NXPH1: variants seen among roughly 807,000 people sequenced by gnomAD.
The protein encoded by NXPH1 is neurexophilin 1, also known as neurexophilin-1.
A neutral mutation model predicts 23.7 loss-of-function variants in NXPH1; 5 were observed. That is an observed-to-expected ratio of 0.21 (90% CI 0.11 to 0.44). NXPH1 has a LOEUF of 0.44. NXPH1 is among the 20% of genes least tolerant of loss of function. NXPH1 has a pLI of 0.99. For missense variants in NXPH1, 324 were observed against 321.6 expected, an observed-to-expected ratio of 1.01 and a Z score of -0.06; for synonymous variants, 144 against 122.2, an observed-to-expected ratio of 1.18 and a Z score of -1.18.
At chr7:8,578,083 T>A (rs1818788794) in intron 2 of NXPH1, among the ~76,000 whole-genome samples, 1 of 152,178 alleles carries the variant, frequency 6.6e-6, no homozygotes, top group African/African-American at 2.4e-5. Flanking sequence ...CAATGTTTCT[T>A]ATTGTTTTAA....
intron 2 of NXPH1, among the ~76,000 whole-genome samples, chr7:8,441,956 T>C (rs1304729024): frequency 1.3e-5 from 2 of 151,776 alleles, no homozygotes; most frequent in South Asian, 2.1e-4. Flanking sequence ...GGGAGGGGAT[T>C]CTCTTGCTCC....
At chr7:8,491,720 T>C (rs1288766134) in intron 2 of NXPH1, among the ~76,000 whole-genome samples, 1 of 152,054 alleles carries the variant, frequency 6.6e-6, no homozygotes, top group Admixed American at 6.6e-5. Context: ...ACAGGGATTC[T>C]CACAGTACTT....
At chr7:8,728,775 A>G (rs972192716) in intron 2 of NXPH1, among the ~76,000 whole-genome samples, 6 of 152,242 alleles carry the variant, frequency 3.9e-5, no homozygotes, top group African/African-American at 1.2e-4. Context: ...ATCAATATTC[A>G]TCAAGGATAT....
intron 2 of NXPH1, among the ~76,000 whole-genome samples, chr7:8,579,602 C>A (rs904016772): frequency 6.6e-6 from 1 of 152,280 alleles, no homozygotes; most frequent in African/African-American, 2.4e-5. Context: ...AAACTCCTGA[C>A]CTCAGATGAT....
chr7:8,540,369 A>G (rs1317896552), intron 2 of NXPH1, among the ~76,000 whole-genome samples: 2 of 151,846 alleles, frequency 1.3e-5, no homozygotes, highest in Non-Finnish European at 2.9e-5. Flanking sequence ...AAATGTGTGA[A>G]ACGACAAGTT....
chr7:8,634,865 C>T (rs922088142), intron 2 of NXPH1, among the ~76,000 whole-genome samples: 1 of 152,058 alleles, frequency 6.6e-6, no homozygotes, highest in East Asian at 1.9e-4. Flanking sequence ...ATTGAGAACT[C>T]CAGAATTCAG....
Position 8,435,805 on chromosome 7 carries a change from C to A in NXPH1, c.54+38C>A. 6.2e-7 allele frequency: 1 copy of A among 1,604,246 alleles called. No individual in the cohort carries two copies. The highest frequency in any genetic ancestry group is 8.5e-7 in the Non-Finnish European group (1 of 1,171,252). On this transcript the variant is annotated intron_variant, in intron 2 of 2. Transcript: ENST00000405863. The surrounding 1 kb of genome is among the most constrained non-coding windows in gnomAD (Gnocchi z 5.9). The stretch of plus-strand genomic sequence containing the variant: ...AGGTTCGGGGCTTTCGCATTTTTAC[C>A]CCGGCCGGGAGGCAAGGAAACTGGG...
At chr7:8,510,453 C>A (rs879512300) in intron 2 of NXPH1, among the ~76,000 whole-genome samples, 9 of 151,838 alleles carry the variant, frequency 5.9e-5, no homozygotes, top group Admixed American at 2.0e-4. Context: ...AATTTGCACT[C>A]GAATCTAAGA....
chr7:8,626,951 A>G (rs1260264525), intron 2 of NXPH1, among the ~76,000 whole-genome samples: 1 of 152,042 alleles, frequency 6.6e-6, no homozygotes, highest in Non-Finnish European at 1.5e-5. Context: ...TCCTTTAAGC[A>G]TAAGGACAAA....
chr7:8,686,465 A>G (rs186441752), intron 2 of NXPH1, among the ~76,000 whole-genome samples: 35 of 152,286 alleles, frequency 2.3e-4, no homozygotes, highest in African/African-American at 8.4e-4. Context: ...TTACACTTGG[A>G]TATGACCTTT....
intron 2 of NXPH1, among the ~76,000 whole-genome samples, chr7:8,610,497 T>C (rs1363762351): frequency 1.3e-5 from 2 of 152,136 alleles, no homozygotes; most frequent in African/African-American, 4.8e-5. Flanking sequence ...TGCAGAACTT[T>C]ATTACAGAAA....
chr7:8,518,765 C>T lies in NXPH1; in HGVS notation c.54+82998C>T, dbSNP rs549142963. On this transcript the variant is annotated intron_variant, in intron 2 of 2. Transcript: ENST00000405863. ...CCTCCCAAGTAGCTGGGATTATAGG[C>T]GTGAACCACTGCACCCAAGTAGCTC... Among the ~76,000 whole-genome samples, 87 of 152,260 alleles carry T rather than the reference C, an allele frequency of 5.7e-4. 2 individuals carry two copies. The South Asian group carries it at 0.015, about 26-fold the overall frequency.
intron 2 of NXPH1, among the ~76,000 whole-genome samples, chr7:8,597,756 T>C (rs189485353): frequency 6.6e-6 from 1 of 151,866 alleles, no homozygotes. Context: ...CCTTTCTACT[T>C]GGCAACATGC....
rs534761382 is a variant in NXPH1 at position 8,447,997 on chromosome 7, G to A, written c.54+12230G>A. 2.2e-4 allele frequency among the ~76,000 whole-genome samples: 34 copies of A among 152,304 alleles called. No homozygotes were observed. The South Asian group carries it at 6.4e-3, about 29-fold the overall frequency. ...AACGAGGACCTGGCCATAACAGAGA[G>A]CAAACAGGCCTGTTTTCAGTTATCC... is the stretch of plus-strand genomic sequence containing the variant. On this transcript the variant is annotated intron_variant, in intron 2 of 2. Transcript: ENST00000405863.
intron 2 of NXPH1, among the ~76,000 whole-genome samples, chr7:8,630,415 G>A (rs1322352457): frequency 1.3e-5 from 2 of 152,142 alleles, no homozygotes; most frequent in East Asian, 3.9e-4. Context: ...CTTCCTCATG[G>A]GAGCTCCCAA....
In NXPH1 at chr7:8,435,569, G is replaced by C. The variant is rs6948635; in HGVS notation, c.-110-35G>C. 1 of 711,636 alleles carries C rather than the reference G, an allele frequency of 1.4e-6. No homozygotes were observed. The highest frequency in any genetic ancestry group is 2.7e-5 in the East Asian group (1 of 37,328). 44.1% of individuals were successfully genotyped at this position (711,636 alleles called of 1,614,324 possible). On this transcript the variant is annotated intron_variant, in intron 1 of 2. Transcript: ENST00000405863. This position sits in a 1 kb window ranked among gnomAD's most constrained non-coding sequence, Gnocchi z 5.9. ...GATTGTCAAGCCTAACCTTGCCCGCGTAGTCATGGGATGTCTAATTTTATT... is the reference window on the plus strand; with the variant it reads ...GATTGTCAAGCCTAACCTTGCCCGCCTAGTCATGGGATGTCTAATTTTATT...
intron 2 of NXPH1, among the ~76,000 whole-genome samples, chr7:8,537,950 G>A (rs79741225): frequency 7.4e-4 from 113 of 151,978 alleles, no homozygotes; most frequent in African/African-American, 2.6e-3. Context: ...AAGGCGAGGG[G>A]AATGGAGCCC....
intron 2 of NXPH1, among the ~76,000 whole-genome samples, chr7:8,590,331 T>A (rs933770376): frequency 3.3e-5 from 5 of 152,066 alleles, no homozygotes; most frequent in African/African-American, 1.2e-4. Flanking sequence ...TAATTATGGT[T>A]AGCCAAACCC....
chr7:8,586,199 A>G (rs1005059507), intron 2 of NXPH1, among the ~76,000 whole-genome samples: 5 of 152,154 alleles, frequency 3.3e-5, no homozygotes, highest in African/African-American at 9.7e-5. Flanking sequence ...TGAGGAACCT[A>G]AAATGCTGGA....
Sources: gnomAD v4.1 joint callset for allele counts (sites outside exome capture counted in the v4.1 genomes callset) on GRCh38, gnomAD v4.1.1 for gene constraint, Gnocchi (gnomAD v3.1) non-coding constraint, MANE v1.5 for transcripts, NCBI Gene and HGNC (gene_info 2026-07-23, HGNC 2026-07-21) for gene names.